Variants in ARHGAP18 observed in about 807,000 individuals in gnomAD.
The protein encoded by ARHGAP18 is rho GTPase-activating protein 18.
A neutral mutation model predicts 86.2 loss-of-function variants in ARHGAP18; 67 were observed. That is an observed-to-expected ratio of 0.78 (90% CI 0.64 to 0.95). ARHGAP18 has a LOEUF of 0.95. Among genes scored for constraint, ARHGAP18 ranks in the 40% least tolerant of loss-of-function variants. ARHGAP18 has a pLI of 0.00. For synonymous variants in ARHGAP18, 283 were observed against 280.4 expected, an observed-to-expected ratio of 1.01 and a Z score of -0.09; for missense variants, 691 against 780.4, an observed-to-expected ratio of 0.89 and a Z score of 1.37.
intron 13 of ARHGAP18, among the ~76,000 whole-genome samples, chr6:129,582,077 T>C (rs1199282279): frequency 6.6e-6 from 1 of 151,898 alleles, no homozygotes; most frequent in Non-Finnish European, 1.5e-5. Context: ...GGCTGAGGAC[T>C]GGGGGCGGAA....
chr6:129,709,331 G>T (rs557590069), intron 1 of ARHGAP18, among the ~76,000 whole-genome samples: 12 of 152,214 alleles, frequency 7.9e-5, no homozygotes, highest in Non-Finnish European at 1.5e-4. Context: ...ACACAGATAG[G>T]GAGAAAGGTA....
chr6:129,639,232 T>C (rs1165634880), intron 2 of ARHGAP18, among the ~76,000 whole-genome samples: 1 of 152,178 alleles, frequency 6.6e-6, no homozygotes, highest in South Asian at 2.1e-4. Flanking sequence ...AAAAAACTTA[T>C]ATAGGAAGAT....
At chr6:129,581,770 G>A (rs928672316) in intron 13 of ARHGAP18, among the ~76,000 whole-genome samples, 4 of 152,076 alleles carry the variant, frequency 2.6e-5, no homozygotes, top group African/African-American at 9.7e-5. Flanking sequence ...AAGAATGGAA[G>A]GATATAGAGT....
intron 1 of ARHGAP18, among the ~76,000 whole-genome samples, chr6:129,693,640 G>T (rs144374530): frequency 9.9e-5 from 15 of 152,244 alleles, no homozygotes; most frequent in African/African-American, 3.6e-4. Context: ...CTCAGACACA[G>T]GCACACTGAA....
intron 1 of ARHGAP18, among the ~76,000 whole-genome samples, chr6:129,666,219 G>A (rs1168039979): frequency 6.6e-6 from 1 of 152,148 alleles, no homozygotes; most frequent in South Asian, 2.1e-4. Context: ...AATTGACACT[G>A]CCCTCTTTTT....
intron 1 of ARHGAP18, among the ~76,000 whole-genome samples, chr6:129,688,067 G>A (rs751682967): frequency 1.3e-5 from 2 of 152,182 alleles, no homozygotes; most frequent in Non-Finnish European, 2.9e-5. Flanking sequence ...AGACATGGAT[G>A]AAAAGAAATC....
intron 3 of ARHGAP18, among the ~76,000 whole-genome samples, chr6:129,635,095 T>C (rs952192463): frequency 6.6e-6 from 1 of 152,180 alleles, no homozygotes; most frequent in Non-Finnish European, 1.5e-5. Flanking sequence ...ACTTCCTCCT[T>C]TCCAGGTAAG....
chr6:129,591,358 A>G (rs949629117), intron 12 of ARHGAP18, among the ~76,000 whole-genome samples: 1 of 151,968 alleles, frequency 6.6e-6, no homozygotes, highest in Non-Finnish European at 1.5e-5. Context: ...ATAGGGGAGG[A>G]GCGTGCTTGT....
chr6:129,584,068 A>G lies in ARHGAP18; in HGVS notation c.1758T>C (p.Leu586=), dbSNP rs1788342532. 3 of 1,613,794 alleles carry G rather than the reference A, an allele frequency of 1.9e-6. No individual in the cohort carries two copies. Among genetic ancestry groups the G allele is most frequent in the Non-Finnish European group, 2.5e-6 (3 of 1,179,816 alleles). The change falls in exon 13 of 15, where the codon CTT becomes CTC. Residue 586 remains leucine (L), a synonymous_variant. Transcript: ENST00000368149. The stretch of plus-strand genomic sequence containing the variant: ...GCTGTATTGCCATGGAAACTTTCGA[A>G]AGATGGGGAGCTTGCACTCGAATCA... ...QGVIRVQAPH[L]SKVSMAIQLT...
chr6:129,659,761 T>G (rs1233633714), intron 1 of ARHGAP18, among the ~76,000 whole-genome samples: 1 of 152,218 alleles, frequency 6.6e-6, no homozygotes, highest in Non-Finnish European at 1.5e-5. Context: ...GCCTAGAATT[T>G]AGAAGGCAAC....
chr6:129,621,473 G>T (rs890583664), intron 5 of ARHGAP18, among the ~76,000 whole-genome samples: 4 of 152,118 alleles, frequency 2.6e-5, no homozygotes, highest in African/African-American at 9.7e-5. Context: ...CCTCCATGGG[G>T]CACTGCACAG....
intron 3 of ARHGAP18, among the ~76,000 whole-genome samples, chr6:129,634,626 A>G (rs1773293705): frequency 6.6e-6 from 1 of 152,180 alleles, no homozygotes; most frequent in African/African-American, 2.4e-5. Flanking sequence ...AACCACAGAG[A>G]CACAAAGCTG....
At chr6:129,603,271 A>T (rs1468952328) in intron 10 of ARHGAP18, among the ~76,000 whole-genome samples, 1 of 151,838 alleles carries the variant, frequency 6.6e-6, no homozygotes, top group Non-Finnish European at 1.5e-5. Flanking sequence ...GCTTTACTTC[A>T]CTTAGAATAA....
chr6:129,659,442 T>A (rs536446072), intron 1 of ARHGAP18, among the ~76,000 whole-genome samples: 2 of 150,986 alleles, frequency 1.3e-5, no homozygotes, highest in African/African-American at 4.9e-5. Flanking sequence ...TCAGACAAGA[T>A]AGGCCTAGAA....
chr6:129,659,421 G>A (rs1395762337), intron 1 of ARHGAP18, among the ~76,000 whole-genome samples: 1 of 152,080 alleles, frequency 6.6e-6, no homozygotes, highest in Non-Finnish European at 1.5e-5. Context: ...ACTGTGGAAC[G>A]CAGGTGTACT....
chr6:129,709,410 C>T (rs1405840956), intron 1 of ARHGAP18, among the ~76,000 whole-genome samples: 1 of 152,200 alleles, frequency 6.6e-6, no homozygotes, highest in Non-Finnish European at 1.5e-5. Flanking sequence ...ACATTAACCA[C>T]ATTTCACTCC....
At position 129,600,623 on chromosome 6, in the gene ARHGAP18, G is replaced by A; in HGVS notation, c.1572+19C>T. ...TGTTTTTTAAACTACTAAGACCAAA[G>A]CATATGATATATACTTACTGTCCAC... On this transcript the variant is annotated intron_variant, in intron 11 of 14. Transcript: ENST00000368149. The A allele has an allele frequency of 6.3e-7, 1 of 1,591,958 alleles. No individual in the cohort carries two copies. Among genetic ancestry groups the A allele is most frequent in the Non-Finnish European group, 8.6e-7 (1 of 1,163,036 alleles).
At chr6:129,638,734 C>T in intron 2 of ARHGAP18, 105 bp from the exon 3 acceptor site, 2 of 991,364 alleles carry the variant, frequency 2.0e-6, no homozygotes, top group Non-Finnish European at 3.0e-6. Flanking sequence ...TGTAACCAAA[C>T]CACAGTGCTA....
At chr6:129,680,592 G>T (rs764048553) in intron 1 of ARHGAP18, among the ~76,000 whole-genome samples, 3 of 152,174 alleles carry the variant, frequency 2.0e-5, no homozygotes, top group Admixed American at 2.0e-4. Flanking sequence ...GCCCAAGAAA[G>T]CTCAGCAAGC....
Sources: gnomAD v4.1 joint callset for allele counts (sites outside exome capture counted in the v4.1 genomes callset) on GRCh38, gnomAD v4.1.1 for gene constraint, MANE v1.5 for transcripts, NCBI Gene and HGNC (gene_info 2026-07-23, HGNC 2026-07-21) for gene names.